ICA1L: variants seen among roughly 807,000 people sequenced by gnomAD.
ICA1L encodes the protein islet cell autoantigen 1-like protein.
A neutral mutation model predicts 61.3 loss-of-function variants in ICA1L; 50 were observed. That is an observed-to-expected ratio of 0.82 (90% CI 0.65 to 1.03). The LOEUF (loss-of-function observed/expected upper bound fraction) is 1.03, where lower values mean the gene tolerates loss of function less well. ICA1L is among the 50% of genes least tolerant of loss of function. The pLI is 0.00. For synonymous variants in ICA1L, 161 were observed against 191.3 expected (o/e 0.84, Z 1.31); for missense variants, 508 against 556.7 (o/e 0.91, Z 0.88).
chr2:202,817,502 C>T lies in ICA1L; in HGVS notation c.600G>A (p.Lys200=), dbSNP rs1328106838. The T allele has an allele frequency of 5.6e-6, 9 of 1,610,770 alleles. No homozygotes were observed. Among genetic ancestry groups the T allele is most frequent in the South Asian group, 1.1e-5 (1 of 90,592 alleles). ...CTTTCTGACAAACATCCATCTTTAA[C>T]TTGTCAAAAGAAGCTTTGCTATTTC... ...QVRNSKASFD[K]LKMDVCQKVD... The change falls in exon 6 of 13, where the codon AAG becomes AAA. Residue 200 remains lysine, a synonymous_variant. Coordinates refer to ENST00000358299, the MANE Select transcript of ICA1L (RefSeq NM_001288622.3).
intron 1 of ICA1L, among the ~76,000 whole-genome samples, chr2:202,847,606 G>A (rs944921477): frequency 1.8e-4 from 26 of 148,262 alleles, no homozygotes; most frequent in African/African-American, 6.2e-4. Flanking sequence ...TAAAGTGCTT[G>A]GAATAGAAAT....
Position 202,865,862 on chromosome 2 carries a change from A to G in ICA1L, c.-8+5757T>C, listed in dbSNP as rs529776176. ...GGTTGGTCTCAAACTCCTGGCCTCA[A>G]GTGATTCCCCTCGCCTAGACTTCCA... On this transcript the variant is annotated intron_variant, in intron 1 of 12. Transcript: ENST00000358299. 7.2e-5 allele frequency among the ~76,000 whole-genome samples: 11 copies of G among 152,288 alleles called. 1 individual carries two copies. In the South Asian group the frequency reaches 2.3e-3, roughly 32 times the overall value.
At position 202,814,751 on chromosome 2, in the gene ICA1L, CTT is replaced by C; in HGVS notation, c.815_816del (p.Glu272GlyfsTer3). The C allele has an allele frequency of 6.2e-7, 1 of 1,613,642 alleles. No individual in the cohort carries two copies. Among genetic ancestry groups the C allele is most frequent in the Non-Finnish European group, 8.5e-7 (1 of 1,179,764 alleles). ...CCGCCTATTTGTTCATCTTTATTGT[CTT>C]CACTAATCTTGCTTGGCGTGTCTTG... ...QLQDTPSKIS[E>X]DNKDEQIGGF... On this transcript the variant is annotated frameshift_variant, in exon 8 of 13. Coordinates refer to ENST00000358299, the MANE Select transcript of ICA1L (RefSeq NM_001288622.3). LOFTEE classifies it high-confidence loss of function.
At chr2:202,798,891 T>C (rs1216488174) in intron 9 of ICA1L, among the ~76,000 whole-genome samples, 2 of 152,220 alleles carry the variant, frequency 1.3e-5, no homozygotes, top group Non-Finnish European at 2.9e-5. Context: ...TTTTTGTGCC[T>C]GGCTTATTTC....
intron 11 of ICA1L, among the ~76,000 whole-genome samples, chr2:202,786,393 C>G (rs374775413): frequency 0.012 from 1,877 of 150,822 alleles, 35 homozygotes; most frequent in African/African-American, 0.043. Context: ...AAAAAAAATA[C>G]AAAAAATTAG....
chr2:202,787,881 A>G lies in ICA1L; in HGVS notation c.1243+949T>C, dbSNP rs200305557. Among the ~76,000 whole-genome samples the G allele has an allele frequency of 1.1e-4, 17 of 152,356 alleles. No homozygotes were observed. In the East Asian group the frequency reaches 3.3e-3, roughly 29 times the overall value. On this transcript the variant is annotated intron_variant, in intron 11 of 12. Transcript: ENST00000358299. ...CCATTTCCATTTGGCAGTACTGAGGAGGACTTCAAGGACTGACAATCATGG... is the reference window on the plus strand; with the variant it reads ...CCATTTCCATTTGGCAGTACTGAGGGGGACTTCAAGGACTGACAATCATGG...
chr2:202,821,553 A>C, intron 3 of ICA1L, 72 bp from the exon 4 acceptor site: 2 of 1,131,848 alleles, frequency 1.8e-6, no homozygotes, highest in Admixed American at 2.5e-5. Flanking sequence ...ACAACTAAAA[A>C]TCTCACAGCA....
chr2:202,814,916 G>A, intron 7 of ICA1L, 132 bp from the exon 8 acceptor site: 1 of 650,074 alleles, frequency 1.5e-6, no homozygotes, highest in South Asian at 1.9e-5. Flanking sequence ...GAAAGATATA[G>A]GACATGTATG....
intron 1 of ICA1L, among the ~76,000 whole-genome samples, chr2:202,859,837 A>G (rs1694863567): frequency 6.6e-6 from 1 of 152,242 alleles, no homozygotes; most frequent in Non-Finnish European, 1.5e-5. Context: ...AAAACTTTTT[A>G]AACATTTTCA....
chr2:202,790,502 T>C lies in ICA1L; in HGVS notation c.986-1415A>G, dbSNP rs201332513. ...GCAAGATGGAGATTCCACTCCAGTC[T>C]GGTGCAGCCAGAACACAGGGCTCCT... On this transcript the variant is annotated intron_variant, in intron 10 of 12. Transcript: ENST00000358299. Among the ~76,000 whole-genome samples, 3 of 152,310 alleles carry C rather than the reference T, an allele frequency of 2.0e-5. No individual in the cohort carries two copies. The East Asian group carries it at 5.8e-4, about 29-fold the overall frequency.
At chr2:202,804,020 C>T (rs1444333252) in intron 9 of ICA1L, among the ~76,000 whole-genome samples, 1 of 152,008 alleles carries the variant, frequency 6.6e-6, no homozygotes, top group African/African-American at 2.4e-5. Flanking sequence ...GACTAACTTC[C>T]TTCAAGCCTC....
intron 1 of ICA1L, among the ~76,000 whole-genome samples, chr2:202,830,672 T>C (rs1693993880): frequency 6.6e-6 from 1 of 152,184 alleles, no homozygotes; most frequent in Non-Finnish European, 1.5e-5. Flanking sequence ...AGTAAAGAAA[T>C]AGAGGTTCAC....
chr2:202,840,846 T>C, intron 1 of ICA1L: 2 of 629,028 alleles, frequency 3.2e-6, no homozygotes, highest in South Asian at 3.1e-5. Flanking sequence ...TGGCTGACGT[T>C]CTGGTTCATC....
At chr2:202,860,443 TG>T (rs1288702537) in intron 1 of ICA1L, among the ~76,000 whole-genome samples, 1 of 151,974 alleles carries the variant, frequency 6.6e-6, no homozygotes, top group Non-Finnish European at 1.5e-5. Context: ...ACAACCCAAA[TG>T]CATGTAATTT....
In ICA1L at chr2:202,814,711, T is replaced by C. The variant is rs759697455; in HGVS notation, c.857A>G (p.Gln286Arg). The change falls in exon 8 of 13, where the codon CAG becomes CGG. Residue 286 changes from glutamine to arginine, a missense_variant. By Grantham distance (43) the Gln-to-Arg change is conservative. Coordinates refer to ENST00000358299, the MANE Select transcript of ICA1L (RefSeq NM_001288622.3). ...DEQIGGFLTE[Q>R]LNKLVLSDEE... ...ACTTATGCCTGCTTACTTATTGAGC[T>C]GTTCAGTAAGAAAACCGCCTATTTG... is the stretch of plus-strand genomic sequence containing the variant. 9.3e-6 allele frequency: 15 copies of C among 1,611,524 alleles called. No homozygotes were observed. Among genetic ancestry groups the C allele is most frequent in the African/African-American group, 2.7e-5 (2 of 74,904 alleles).
chr2:202,867,054 G>C (rs184579483), intron 1 of ICA1L, among the ~76,000 whole-genome samples: 1 of 151,984 alleles, frequency 6.6e-6, no homozygotes, highest in Non-Finnish European at 1.5e-5. Flanking sequence ...AAATCAAGAA[G>C]TTAGATTTCA....
At position 202,773,682 on chromosome 2, in the gene ICA1L, C is replaced by T. The variant is rs1692124823; in HGVS notation, c.*5851G>A. ...GCTTTCAGAGATAGATGCCCAAGAG[C>T]TATCATTAATATATACAGCATATTG... On this transcript the variant is annotated 3_prime_UTR_variant, in exon 13 of 13. Coordinates refer to ENST00000358299, the MANE Select transcript of ICA1L (RefSeq NM_001288622.3). 7.0e-6 allele frequency: 6 copies of T among 855,860 alleles called. No homozygotes were observed. In the East Asian group the frequency reaches 1.3e-4, roughly 19 times the overall value. 53.0% of individuals were successfully genotyped at this position (855,860 alleles called of 1,614,324 possible).
intron 1 of ICA1L, among the ~76,000 whole-genome samples, chr2:202,843,492 C>T (rs916133048): frequency 6.6e-6 from 1 of 152,078 alleles, no homozygotes; most frequent in African/African-American, 2.4e-5. Context: ...TTTTTTTTCC[C>T]ATCAGAGAAG....
At position 202,778,029 on chromosome 2, in the gene ICA1L, T is replaced by G. The variant is rs1469899302; in HGVS notation, c.*1504A>C. On this transcript the variant is annotated 3_prime_UTR_variant, in exon 13 of 13. Coordinates refer to ENST00000358299, the MANE Select transcript of ICA1L (RefSeq NM_001288622.3). ...CGGAGTAGCTGGGACTACAGGCACG[T>G]GCCACCACGCCTGGCTAATTTTTTG... 5 of 152,058 alleles carry G rather than the reference T, an allele frequency of 3.3e-5. No individual in the cohort carries two copies. The highest frequency in any genetic ancestry group is 1.2e-4 in the African/African-American group (5 of 41,370). The allele number at this position is 152,058 out of a possible 1,614,324, so 9.4% of individuals were successfully genotyped here.
Sources: allele counts gnomAD v4.1 joint callset (sites outside exome capture counted in the v4.1 genomes callset), GRCh38; gene constraint gnomAD v4.1.1; transcripts MANE v1.5; gene names NCBI Gene and HGNC (gene_info 2026-07-23, HGNC 2026-07-21).